The following EMC2 variants were observed in gnomAD, a reference collection of about 807,000 sequenced individuals.
EMC2 encodes the protein TPR repeat protein 35.
Under a neutral mutation model 51.6 loss-of-function variants are expected in EMC2, and 37 were observed. That is an observed-to-expected ratio of 0.72 (90% confidence interval 0.55 to 0.94). EMC2 has a LOEUF of 0.94. Among genes scored for constraint, EMC2 ranks in the 40% least tolerant of loss-of-function variants. The pLI, the probability that EMC2 is intolerant of heterozygous loss-of-function variation, is 0.00. For missense variants in EMC2, 359 were observed against 350.9 expected, an observed-to-expected ratio of 1.02 and a Z score of -0.18; for synonymous variants, 131 against 112.4, an observed-to-expected ratio of 1.17 and a Z score of -1.04.
intron 8 of EMC2, among the ~76,000 whole-genome samples, chr8:108,476,511 AATT>A (rs1417883517): frequency 1.3e-5 from 2 of 151,928 alleles, no homozygotes; most frequent in African/African-American, 4.8e-5. Flanking sequence ...CTGAAATAGA[AATT>A]ATTCTGGCTT....
At chr8:108,464,808 C>T (rs182538136) in intron 5 of EMC2, among the ~76,000 whole-genome samples, 47 of 152,296 alleles carry the variant, frequency 3.1e-4, no homozygotes, top group Non-Finnish European at 5.4e-4. Context: ...CAGACGTGTT[C>T]CGTAAACGGT....
intron 7 of EMC2, chr8:108,470,808 T>A (rs7816362): frequency 6.6e-6 from 1 of 152,016 alleles, no homozygotes; most frequent in Non-Finnish European, 1.5e-5. Context: ...TTAGTTCTTC[T>A]AAATCTGAAG....
Position 108,463,320 on chromosome 8 carries a change from G to A in EMC2, c.364-6506G>A, listed in dbSNP as rs144447521. Reference sequence around the variant, plus strand: ...TTATGGGAATCTAAAACTAAGACAGGTGGAATTGGAGGGGACTGGGCTACT... The same window carrying A: ...TTATGGGAATCTAAAACTAAGACAGATGGAATTGGAGGGGACTGGGCTACT... On this transcript the variant is annotated intron_variant, in intron 5 of 10. Coordinates refer to ENST00000220853, the MANE Select transcript of EMC2 (RefSeq NM_014673.5). Among the ~76,000 whole-genome samples the A allele has an allele frequency of 7.5e-3, 1,144 of 152,270 alleles. 12 individuals carry two copies. Among genetic ancestry groups the A allele is most frequent in the African/African-American group, 0.026 (1,089 of 41,544 alleles).
chr8:108,470,126 G>A lies in EMC2; in HGVS notation c.509+5G>A. ...ACTTTACATCAATGAACATGAGTAAGTTATTAAACACACAACATTTTGTTG... is the reference window on the plus strand; with the variant it reads ...ACTTTACATCAATGAACATGAGTAAATTATTAAACACACAACATTTTGTTG... On this transcript the variant is annotated splice_donor_5th_base_variant and intron_variant, in intron 7 of 10. Coordinates refer to ENST00000220853, the MANE Select transcript of EMC2 (RefSeq NM_014673.5). 1 of 1,603,320 alleles carries A rather than the reference G, an allele frequency of 6.2e-7. No homozygotes were observed. Among genetic ancestry groups the A allele is most frequent in the South Asian group, 1.1e-5 (1 of 90,742 alleles).
At chr8:108,456,395 C>CTAGTTGAGAT (rs1554617402) in intron 5 of EMC2, among the ~76,000 whole-genome samples, 1 of 143,764 alleles carries the variant, frequency 7.0e-6, no homozygotes, top group African/African-American at 2.6e-5. Context: ...AGAGAAGGGG[C>CTAGTTGAGAT]TAGTTGAGAT....
At chr8:108,449,000 C>G (rs1190355949) in intron 1 of EMC2, among the ~76,000 whole-genome samples, 2 of 152,160 alleles carry the variant, frequency 1.3e-5, no homozygotes, top group African/African-American at 4.8e-5. Flanking sequence ...AAGAAACTCA[C>G]TCTTCTTACT....
At chr8:108,457,338 G>A (rs1819193417) in intron 5 of EMC2, among the ~76,000 whole-genome samples, 1 of 46,254 alleles carries the variant, frequency 2.2e-5, no homozygotes, top group Admixed American at 2.3e-4. Context: ...GTGCGTGTGT[G>A]TGTGTGTGTG....
intron 5 of EMC2, among the ~76,000 whole-genome samples, chr8:108,464,349 A>G (rs1338667649): frequency 6.6e-6 from 1 of 152,210 alleles, no homozygotes; most frequent in Non-Finnish European, 1.5e-5. Context: ...GGGCTTTGAC[A>G]CACTCTGGCC....
intron 5 of EMC2, among the ~76,000 whole-genome samples, chr8:108,465,523 G>A (rs1001611131): frequency 1.3e-4 from 20 of 152,168 alleles, no homozygotes; most frequent in Non-Finnish European, 2.1e-4. Flanking sequence ...AATAGAATAG[G>A]ATCTATGTTG....
chr8:108,484,726 C>T (rs563957824), intron 10 of EMC2, among the ~76,000 whole-genome samples: 5 of 151,916 alleles, frequency 3.3e-5, no homozygotes, highest in South Asian at 4.2e-4. Context: ...TGATTAGGAC[C>T]GTTCCTATTT....
chr8:108,478,282 G>A (rs1810982854), intron 9 of EMC2, among the ~76,000 whole-genome samples: 1 of 151,862 alleles, frequency 6.6e-6, no homozygotes. Context: ...TTAATAATTA[G>A]CATATGATTT....
chr8:108,453,699 T>C (rs1335770212), intron 4 of EMC2, among the ~76,000 whole-genome samples: 3 of 152,288 alleles, frequency 2.0e-5, no homozygotes, highest in African/African-American at 7.2e-5. Flanking sequence ...TATTTTTCTT[T>C]TTGCCGTCTT....
At chr8:108,470,711 G>A (rs1352034079) in intron 7 of EMC2, 3 of 152,282 alleles carry the variant, frequency 2.0e-5, no homozygotes, top group Admixed American at 2.0e-4. Flanking sequence ...AGTGTGAGAG[G>A]ATTAGTCCAG....
intron 5 of EMC2, among the ~76,000 whole-genome samples, chr8:108,462,935 TGA>T (rs1384909490): frequency 2.6e-5 from 4 of 152,212 alleles, no homozygotes; most frequent in Non-Finnish European, 5.9e-5. Context: ...TTTTTCTTTC[TGA>T]GCTGTCTCCT....
intron 5 of EMC2, among the ~76,000 whole-genome samples, chr8:108,456,976 C>T (rs912473504): frequency 6.6e-6 from 1 of 152,042 alleles, no homozygotes; most frequent in South Asian, 2.1e-4. Context: ...AAGTTTCTCT[C>T]TTATTTGGCA....
In EMC2 at chr8:108,469,811, A is replaced by G. The variant is rs1390637125; in HGVS notation, c.364-15A>G. ...AATCATAAGGGCCTAATCCTTTATT[A>G]ATGTCAACCCACAGGCTGCAAGAAA... is the stretch of plus-strand genomic sequence containing the variant. On this transcript the variant is annotated splice_polypyrimidine_tract_variant and intron_variant, in intron 5 of 10. Transcript: ENST00000220853. 2.5e-6 allele frequency: 4 copies of G among 1,609,440 alleles called. No individual in the cohort carries two copies. Among genetic ancestry groups the G allele is most frequent in the African/African-American group, 1.3e-5 (1 of 74,800 alleles).
chr8:108,457,368 GTGTGTCTATGTATTAGTCCATTTTCATGC>G (rs1171167892), intron 5 of EMC2, among the ~76,000 whole-genome samples: 2 of 133,670 alleles, frequency 1.5e-5, no homozygotes, highest in African/African-American at 5.5e-5. Context: ...GTGTGTGTGT[GTGTGTCTATGTATTAGTCCATTTTCATGC>G]TGTCTATGTA....
intron 5 of EMC2, among the ~76,000 whole-genome samples, chr8:108,456,282 G>C (rs1819152293): frequency 7.6e-6 from 1 of 130,768 alleles, no homozygotes; most frequent in Non-Finnish European, 1.5e-5. Context: ...GCAGTGAGCT[G>C]AGATTACGCC....
chr8:108,453,201 TA>T, intron 4 of EMC2, 54 bp downstream of exon 4: 16 of 1,071,346 alleles, frequency 1.5e-5, no homozygotes, highest in Non-Finnish European at 2.1e-5. Flanking sequence ...ATGGTGGTGT[TA>T]ATTTTTTTTT....
Sources: gnomAD v4.1 joint callset for allele counts (sites outside exome capture counted in the v4.1 genomes callset) on GRCh38, gnomAD v4.1.1 for gene constraint, MANE v1.5 for transcripts, NCBI Gene and HGNC (gene_info 2026-07-23, HGNC 2026-07-21) for gene names.